The following TNS4 variants were observed in gnomAD, a reference collection of about 807,000 sequenced individuals.
TNS4 encodes the protein tensin-4.
TNS4 carries 46 observed loss-of-function variants against 70.4 expected under a neutral mutation model. That is an observed-to-expected ratio of 0.65 (90% confidence interval 0.52 to 0.84). The LOEUF (loss-of-function observed/expected upper bound fraction) is 0.84. Among genes scored for constraint, TNS4 ranks in the 40% least tolerant of loss-of-function variants. TNS4 has a pLI of 0.00. For synonymous variants in TNS4, 390 were observed against 366.6 expected (o/e 1.06, Z -0.73); for missense variants, 863 against 907.0 (o/e 0.95, Z 0.62).
At chr17:40,481,807 C>G (rs931555701) in intron 8 of TNS4, among the ~76,000 whole-genome samples, 1 of 152,254 alleles carries the variant, frequency 6.6e-6, no homozygotes, top group South Asian at 2.1e-4. Context: ...TTGATTTAGG[C>G]TCTTTCACCC....
chr17:40,477,733 G>C lies in TNS4; in HGVS notation c.2007-4C>G. On this transcript the variant is annotated splice_region_variant and splice_polypyrimidine_tract_variant and intron_variant, in intron 12 of 12. Transcript: ENST00000254051. ...CTTGGCCACAAACCCAAAGATCCTG[G>C]TGGGGGAGGGCAGTCTGAGTGAGGG... 1 of 1,613,652 alleles carries C rather than the reference G, an allele frequency of 6.2e-7. No individual in the cohort carries two copies. The highest frequency in any genetic ancestry group is 8.5e-7 in the Non-Finnish European group (1 of 1,179,944).
rs759376989 is a variant in TNS4 at position 40,484,489 on chromosome 17, C to A, written c.1496G>T (p.Arg499Leu). The A allele has an allele frequency of 1.2e-6, 2 of 1,610,356 alleles. No homozygotes were observed. Among genetic ancestry groups the A allele is most frequent in the East Asian group, 2.2e-5 (1 of 44,874 alleles). Residue 499 changes from arginine to leucine, a missense_variant, in exon 6 of 13, where the codon CGA becomes CTA. By Grantham distance (102) the Arg-to-Leu change is moderately radical (BLOSUM62 -2). Transcript: ENST00000254051. The stretch of plus-strand genomic sequence containing the variant: ...GCACAGAGACAGACGCATACCTGGT[C>A]GACTCTGAGCAGACGCGGGAACCTC... ...VQEVPASAQS[R>L]PGEDSNDLIR...
chr17:40,477,852 T>G, intron 12 of TNS4, 123 bp from the exon 13 acceptor site: 1 of 888,732 alleles, frequency 1.1e-6, no homozygotes, highest in Non-Finnish European at 1.8e-6. Context: ...CTTAGCCAAT[T>G]GACTCCAGCA....
rs3764424 is a variant in TNS4 at position 40,488,873 on chromosome 17, A to G, written c.536T>C (p.Leu179Pro). The G allele has an allele frequency of 0.27, 433,220 of 1,612,720 alleles. 60,509 individuals carry two copies. Among genetic ancestry groups the G allele is most frequent in the South Asian group, 0.4 (36,603 of 91,010 alleles). The stretch of plus-strand genomic sequence containing the variant: ...GGAAAGGAGGAGGCCACCACTGCGA[A>G]GGGAGCCGAAGGGCGGGGTGACAGA... ...SPSVTPPFGS[L>P]RSGGLLLSRD... is the part of the protein sequence containing the mutation. Residue 179 changes from leucine to proline, a missense_variant, in exon 3 of 13, where the codon CTT becomes CCT. Leu to Pro is a moderately conservative substitution (Grantham distance 98). Transcript: ENST00000254051.
chr17:40,488,610 G>A lies in TNS4; in HGVS notation c.799C>T (p.Arg267Trp), dbSNP rs150940139. 2.4e-5 allele frequency: 37 copies of A among 1,516,926 alleles called. No homozygotes were observed. Among genetic ancestry groups the A allele is most frequent in the African/African-American group, 8.4e-5 (6 of 71,604 alleles). The allele number at this position is 1,516,926 out of a possible 1,614,324, so 94.0% of individuals were successfully genotyped here. A position where few individuals can be genotyped will look rare whatever the true frequency, so the allele number is the denominator to read the frequency against. ...EKRLGGLAPQRGSRISVLSAS... is the reference protein window; with the variant it reads ...EKRLGGLAPQWGSRISVLSAS... ...GACAGCACAGAGATCCTGCTGCCCC[G>A]CTGTGGGGCCAGGCCTCCCAGCCGC... The change falls in exon 3 of 13, where the codon CGG becomes TGG. Residue 267 changes from arginine to tryptophan, a missense_variant. By Grantham distance (101) the Arg-to-Trp change is moderately radical (BLOSUM62 -3). Transcript: ENST00000254051.
rs1289422046 is a variant in TNS4, at chr17:40,496,234, G to A, written c.192C>T (p.Gly64=). ...MAPVPCMGPP[G]RLQQAPQVEA... ...CCACCTGTGGGGCTTGCTGGAGTCG[G>A]CCAGGGGGCCCCATGCAGGGCACGG... The change falls in exon 2 of 13, where the codon GGC becomes GGT. Residue 64 remains glycine, a synonymous_variant. Coordinates refer to ENST00000254051, the MANE Select transcript of TNS4 (RefSeq NM_032865.6). 2 of 1,594,466 alleles carry A rather than the reference G, an allele frequency of 1.3e-6. No individual in the cohort carries two copies. The highest frequency in any genetic ancestry group is 1.8e-5 in the Admixed American group (1 of 56,722).
intron 2 of TNS4, among the ~76,000 whole-genome samples, chr17:40,493,596 AT>A (rs531062444): frequency 2.6e-5 from 4 of 151,912 alleles, no homozygotes; most frequent in Admixed American, 6.6e-5. Context: ...AGAGGAAGAG[AT>A]TTTTTTTCTC....
At chr17:40,488,191 T>C (rs1243332934) in intron 3 of TNS4, among the ~76,000 whole-genome samples, 1 of 152,084 alleles carries the variant, frequency 6.6e-6, no homozygotes, top group Non-Finnish European at 1.5e-5. Flanking sequence ...TATTCCTAAA[T>C]AGTTCATCTC....
intron 2 of TNS4, among the ~76,000 whole-genome samples, chr17:40,490,291 C>A (rs1035474945): frequency 2.0e-5 from 3 of 151,958 alleles, no homozygotes; most frequent in African/African-American, 7.3e-5. Flanking sequence ...CCGAGGTCGG[C>A]CTTGCAGTGG....
At chr17:40,497,658 A>C (rs2036162927) in intron 1 of TNS4, among the ~76,000 whole-genome samples, 1 of 151,990 alleles carries the variant, frequency 6.6e-6, no homozygotes, top group South Asian at 2.1e-4. Flanking sequence ...TTTGTGCAAA[A>C]GTCTGGCCAG....
At chr17:40,479,233 C>G (rs1412222102) in intron 10 of TNS4, among the ~76,000 whole-genome samples, 4 of 152,124 alleles carry the variant, frequency 2.6e-5, no homozygotes, top group Non-Finnish European at 4.4e-5. Flanking sequence ...CTACAACCTC[C>G]GCCTCCTGGG....
At chr17:40,478,229 A>T in intron 12 of TNS4, 78 bp downstream of exon 12, 1 of 1,586,856 alleles carries the variant, frequency 6.3e-7, no homozygotes, top group Non-Finnish European at 8.7e-7. Context: ...TGGACTATTA[A>T]AGTCAGAATG....
In TNS4 at chr17:40,478,163, T is replaced by C. The variant is rs544400196; in HGVS notation, c.2006+144A>G. On this transcript the variant is annotated intron_variant, in intron 12 of 12. Transcript: ENST00000254051. ...AGAGGCTCTGAGGGCAGTCAAAGTC[T>C]TTCCCATCAGATGGGAGCTCCCTGA... The C allele has an allele frequency of 2.5e-3, 2,679 of 1,074,424 alleles. 10 individuals carry two copies. Among genetic ancestry groups the C allele is most frequent in the Non-Finnish European group, 2.9e-3 (2,076 of 722,802 alleles). 66.6% of individuals were successfully genotyped at this position (1,074,424 alleles called of 1,614,324 possible). A position where few individuals can be genotyped will look rare whatever the true frequency, so the allele number is the denominator to read the frequency against.
chr17:40,483,874 T>G (rs1289401166), intron 6 of TNS4, among the ~76,000 whole-genome samples: 2 of 152,210 alleles, frequency 1.3e-5, no homozygotes, highest in Non-Finnish European at 2.9e-5. Context: ...TCCTGGGGTT[T>G]GAGTGAGGCC....
At chr17:40,478,510 T>G (rs2035879300) in intron 11 of TNS4, 70 bp downstream of exon 11, 5 of 1,589,300 alleles carry the variant, frequency 3.1e-6, no homozygotes, top group Non-Finnish European at 4.3e-6. Flanking sequence ...AGGCCCAGAG[T>G]CGGCAGGACG....
chr17:40,479,549 C>T, intron 10 of TNS4, 125 bp downstream of exon 10: 1 of 1,223,476 alleles, frequency 8.2e-7, no homozygotes, highest in Non-Finnish European at 1.1e-6. Context: ...CAGCACATCA[C>T]TGGCCCCGCT....
intron 1 of TNS4, among the ~76,000 whole-genome samples, chr17:40,498,156 G>A (rs1300777820): frequency 3.9e-5 from 6 of 151,932 alleles, no homozygotes; most frequent in East Asian, 1.9e-4. Context: ...CCTCCTTTAC[G>A]TCCTGTTTTG....
rs758480382 is a variant in TNS4, at chr17:40,479,821, C to CTCA, written c.1760_1762dup (p.Leu587_Ser588insMet). 67 of 1,612,812 alleles carry CTCA rather than the reference C, an allele frequency of 4.2e-5. No individual in the cohort carries two copies. The highest frequency in any genetic ancestry group is 5.3e-5 in the Non-Finnish European group (63 of 1,179,644). ...AGTCAGGGTCTCCACGCTCACTGAG[C>CTCA]TCAGGTACAGGGTGTGGCAGCCTGT... On this transcript the variant is annotated inframe_insertion, in exon 10 of 13. Coordinates refer to ENST00000254051, the MANE Select transcript of TNS4 (RefSeq NM_032865.6).
chr17:40,482,901 T>G (rs897158768), intron 6 of TNS4, among the ~76,000 whole-genome samples: 2 of 151,906 alleles, frequency 1.3e-5, no homozygotes, highest in African/African-American at 4.8e-5. Context: ...CTCTTCTTCT[T>G]TTTTTGGGGG....
Sources: gnomAD v4.1 joint callset for allele counts (sites outside exome capture counted in the v4.1 genomes callset) on GRCh38, gnomAD v4.1.1 for gene constraint, MANE v1.5 for transcripts, NCBI Gene and HGNC (gene_info 2026-07-23, HGNC 2026-07-21) for gene names.